Variants in LDB2 observed in about 807,000 individuals in gnomAD.
The protein encoded by LDB2 is LIM domain-binding protein 2.
In LDB2, 12 loss-of-function variants were observed where a neutral mutation model predicts 44.3. That is an observed-to-expected ratio of 0.27 (90% confidence interval 0.17 to 0.44). The LOEUF (loss-of-function observed/expected upper bound fraction) is 0.44. LDB2 is among the 20% of genes least tolerant of loss of function. The probability of loss-of-function intolerance (pLI) is 1.00; values close to 1 mark genes in which losing one functional copy is unlikely to be tolerated. For synonymous variants in LDB2, 164 were observed against 174.8 expected (o/e 0.94, Z 0.49); for missense variants, 344 against 473.5 (o/e 0.73, Z 2.54).
At chr4:16,805,381 A>G (rs1446738627) in intron 1 of LDB2, among the ~76,000 whole-genome samples, 3 of 152,250 alleles carry the variant, frequency 2.0e-5, no homozygotes, top group African/African-American at 4.8e-5. Context: ...TGGTTTATGA[A>G]CAGATAAATT....
intron 2 of LDB2, among the ~76,000 whole-genome samples, chr4:16,619,810 T>C (rs1728363808): frequency 6.6e-6 from 1 of 152,028 alleles, no homozygotes; most frequent in Admixed American, 6.6e-5. Flanking sequence ...TTTTTTTTTT[T>C]TCTCCTGGCT....
chr4:16,654,731 T>C lies in LDB2; in HGVS notation c.236-58856A>G, dbSNP rs1418463133. ...TGAAAGAATAGGGCATTTTTCCCTA[T>C]AAGAAACCCTTGACTTATTAGTATG... is the stretch of plus-strand genomic sequence containing the variant. On this transcript the variant is annotated intron_variant, in intron 2 of 7. Coordinates refer to ENST00000304523, the MANE Select transcript of LDB2 (RefSeq NM_001290.5). 3.3e-5 allele frequency among the ~76,000 whole-genome samples: 5 copies of C among 152,338 alleles called. No homozygotes were observed. The South Asian group carries it at 1.0e-3, about 32-fold the overall frequency.
intron 1 of LDB2, among the ~76,000 whole-genome samples, chr4:16,782,137 A>G (rs1773384938): frequency 6.6e-6 from 1 of 152,196 alleles, no homozygotes; most frequent in South Asian, 2.1e-4. Flanking sequence ...ACCGCAGGCC[A>G]GGTATCATTA....
chr4:16,832,042 A>G (rs989581427), intron 1 of LDB2, among the ~76,000 whole-genome samples: 5 of 152,196 alleles, frequency 3.3e-5, no homozygotes, highest in Non-Finnish European at 7.3e-5. Context: ...TCGTAACAAA[A>G]CTTCACAACA....
At chr4:16,620,481 G>C (rs1033311253) in intron 2 of LDB2, among the ~76,000 whole-genome samples, 19 of 152,136 alleles carry the variant, frequency 1.2e-4, no homozygotes, top group Non-Finnish European at 2.8e-4. Context: ...CAAATCAATA[G>C]AGAAATGAGT....
intron 2 of LDB2, among the ~76,000 whole-genome samples, chr4:16,604,735 T>G (rs1723473172): frequency 6.6e-6 from 1 of 152,124 alleles, no homozygotes; most frequent in Non-Finnish European, 1.5e-5. Flanking sequence ...TTTTTCTTTT[T>G]AATCCTGATA....
intron 2 of LDB2, among the ~76,000 whole-genome samples, chr4:16,684,738 A>G (rs16893782): frequency 0.039 from 5,977 of 152,322 alleles, 432 homozygotes; most frequent in African/African-American, 0.14. Context: ...ATTATCATCT[A>G]TGAGGGAAAG....
intron 2 of LDB2, among the ~76,000 whole-genome samples, chr4:16,610,170 C>A (rs1725213904): frequency 6.6e-6 from 1 of 151,890 alleles, no homozygotes; most frequent in Admixed American, 6.6e-5. Flanking sequence ...ACAATAGCAT[C>A]AACAACAAAA....
intron 1 of LDB2, among the ~76,000 whole-genome samples, chr4:16,864,746 G>A (rs186100782): frequency 0.013 from 1,996 of 152,040 alleles, 21 homozygotes; most frequent in Middle Eastern, 0.059. Flanking sequence ...CCAATATGGT[G>A]AAACCCTGTC....
At chr4:16,654,729 T>C (rs1449606594) in intron 2 of LDB2, among the ~76,000 whole-genome samples, 2 of 152,220 alleles carry the variant, frequency 1.3e-5, no homozygotes, top group East Asian at 1.9e-4. Context: ...CATTTTTCCC[T>C]ATAAGAAACC....
chr4:16,691,771 G>C (rs1553964431), intron 2 of LDB2, among the ~76,000 whole-genome samples: 1 of 152,180 alleles, frequency 6.6e-6, no homozygotes, highest in Non-Finnish European at 1.5e-5. Flanking sequence ...ATAAAAGGGA[G>C]AAGTTAACTC....
chr4:16,559,062 A>G (rs1045433626), intron 5 of LDB2, among the ~76,000 whole-genome samples: 29 of 152,220 alleles, frequency 1.9e-4, no homozygotes, highest in African/African-American at 2.4e-5. Context: ...CTCCTGAAGG[A>G]AGCACTAAAC....
intron 1 of LDB2, among the ~76,000 whole-genome samples, chr4:16,762,501 C>T (rs1045754431): frequency 1.2e-4 from 18 of 152,106 alleles, no homozygotes; most frequent in South Asian, 2.1e-4. Flanking sequence ...AGGAAATTTA[C>T]AATCATGGTG....
intron 1 of LDB2, among the ~76,000 whole-genome samples, chr4:16,845,893 A>T (rs1001237522): frequency 1.3e-5 from 2 of 152,196 alleles, no homozygotes; most frequent in East Asian, 3.9e-4. Flanking sequence ...GGATCACCTG[A>T]GGTCAGGAGT....
chr4:16,886,101 C>G, intron 1 of LDB2, among the ~76,000 whole-genome samples: 1 of 151,692 alleles, frequency 6.6e-6, no homozygotes, highest in East Asian at 1.9e-4. Context: ...TGCCTGTAGT[C>G]CCAGATACTC....
chr4:16,557,153 A>G (rs1330088958), intron 5 of LDB2, among the ~76,000 whole-genome samples: 3 of 152,218 alleles, frequency 2.0e-5, no homozygotes, highest in Admixed American at 1.3e-4. Context: ...GCGACGCAGA[A>G]GACGGGTGAT....
intron 2 of LDB2, among the ~76,000 whole-genome samples, chr4:16,636,155 T>C (rs1014821399): frequency 9.2e-5 from 14 of 152,196 alleles, no homozygotes; most frequent in African/African-American, 3.1e-4. Context: ...CTAAAAGTCA[T>C]CGTCATGTTA....
intron 1 of LDB2, among the ~76,000 whole-genome samples, chr4:16,885,636 C>G (rs894826164): frequency 6.6e-6 from 1 of 152,182 alleles, no homozygotes; most frequent in Non-Finnish European, 1.5e-5. Flanking sequence ...AACACTAACC[C>G]TTAACATTAA....
chr4:16,686,927 G>A (rs1357500167), intron 2 of LDB2, among the ~76,000 whole-genome samples: 2 of 152,082 alleles, frequency 1.3e-5, no homozygotes, highest in Admixed American at 6.5e-5. Flanking sequence ...TTCAAAGTCT[G>A]ACTTCTTAGT....
Sources: gnomAD v4.1 joint callset for allele counts (sites outside exome capture counted in the v4.1 genomes callset) on GRCh38, gnomAD v4.1.1 for gene constraint, MANE v1.5 for transcripts, NCBI Gene and HGNC (gene_info 2026-07-23, HGNC 2026-07-21) for gene names.